HADH: variants seen among roughly 807,000 people sequenced by gnomAD.
HADH encodes hydroxyacyl-coenzyme A dehydrogenase, mitochondrial.
HADH carries 24 observed loss-of-function variants against 32.2 expected under a neutral mutation model. That is an observed-to-expected ratio of 0.75 (90% confidence interval 0.54 to 1.05). The LOEUF is 1.05. HADH is among the 50% of genes least tolerant of loss of function. HADH has a pLI of 0.00. For synonymous variants in HADH, 139 were observed against 152.5 expected (o/e 0.91, Z 0.65); for missense variants, 350 against 397.1 (o/e 0.88, Z 1.01).
At chr4:108,032,208 CT>C (rs1736290947) in intron 6 of HADH, 1 of 609,350 alleles carries the variant, frequency 1.6e-6, no homozygotes, top group Non-Finnish European at 3.0e-6. Flanking sequence ...GACTATTCTA[CT>C]TTTCTGATTT....
At chr4:108,033,606 A>G (rs1313628927) in intron 7 of HADH, among the ~76,000 whole-genome samples, 1 of 152,258 alleles carries the variant, frequency 6.6e-6, no homozygotes. Context: ...ATAGTACAAT[A>G]TTAAATCCCA....
chr4:108,000,115 G>C (rs1359355266), intron 1 of HADH, among the ~76,000 whole-genome samples: 3 of 152,142 alleles, frequency 2.0e-5, no homozygotes. Flanking sequence ...AACCTGAAGT[G>C]GATGATGCAA....
chr4:108,008,577 G>A (rs1281660043), intron 1 of HADH, among the ~76,000 whole-genome samples: 1 of 152,048 alleles, frequency 6.6e-6, no homozygotes, highest in Non-Finnish European at 1.5e-5. Context: ...TGGTTGCCTT[G>A]CTTCAAAAAT....
Position 108,034,562 on chromosome 4 carries a change from T to TA in HADH, c.*206dup, listed in dbSNP as rs1270209323. On this transcript the variant is annotated 3_prime_UTR_variant, in exon 8 of 8. Coordinates refer to ENST00000309522, the MANE Select transcript of HADH (RefSeq NM_005327.7). ...TCCATTAAGAAATAATTCCCTTTTT[T>TA]AGTCTGTTCATTTCTGTGTATTTTC... is the stretch of plus-strand genomic sequence containing the variant. The TA allele has an allele frequency of 9.0e-6, 5 of 554,692 alleles. No individual in the cohort carries two copies. In the East Asian group the frequency reaches 1.8e-4, roughly 20 times the overall value. The allele number at this position is 554,692 out of a possible 1,614,324, so 34.4% of individuals were successfully genotyped here. A position where few individuals can be genotyped will look rare whatever the true frequency, so the allele number is the denominator to read the frequency against.
In HADH at chr4:108,028,328, C is replaced by G. The variant is rs540328025; in HGVS notation, c.709+568C>G. 13 of 160,324 alleles carry G rather than the reference C, an allele frequency of 8.1e-5. No homozygotes were observed. In the East Asian group the frequency reaches 2.2e-3, roughly 27 times the overall value. The allele number at this position is 160,324 out of a possible 1,614,324, so 9.9% of individuals were successfully genotyped here. A position where few individuals can be genotyped will look rare whatever the true frequency, so the allele number is the denominator to read the frequency against. The stretch of plus-strand genomic sequence containing the variant: ...ATGCTTTTCTCTGCTGTAGAAATAT[C>G]AGATTTGGGACAGGGTCCAGGCCTC... On this transcript the variant is annotated intron_variant, in intron 6 of 7. Transcript: ENST00000309522.
At chr4:108,001,762 A>G (rs1735126137) in intron 1 of HADH, among the ~76,000 whole-genome samples, 1 of 152,246 alleles carries the variant, frequency 6.6e-6, no homozygotes, top group Non-Finnish European at 1.5e-5. Context: ...GGACAATTCA[A>G]GATTGCATCA....
At chr4:108,004,850 A>G (rs1320676799) in intron 1 of HADH, 2 of 1,535,796 alleles carry the variant, frequency 1.3e-6, no homozygotes, top group Non-Finnish European at 1.7e-6. Context: ...GACCCTGCGG[A>G]GATGTTAAGG....
chr4:108,007,739 A>T (rs1418434077), intron 1 of HADH, among the ~76,000 whole-genome samples: 1 of 152,228 alleles, frequency 6.6e-6, no homozygotes, highest in African/African-American at 2.4e-5. Flanking sequence ...TAATCAAAGA[A>T]CATTGGACCT....
At chr4:108,014,064 C>T (rs1441370895) in intron 2 of HADH, among the ~76,000 whole-genome samples, 2 of 152,178 alleles carry the variant, frequency 1.3e-5, no homozygotes, top group African/African-American at 4.8e-5. Context: ...ATGAAAACTA[C>T]AGGCTCTTTG....
chr4:107,992,784 T>C (rs1319955408), intron 1 of HADH, among the ~76,000 whole-genome samples: 1 of 152,192 alleles, frequency 6.6e-6, no homozygotes, highest in African/African-American at 2.4e-5. Context: ...GTGTCTGGCA[T>C]GTAATAAGAG....
At chr4:108,001,406 G>A (rs1735114943) in intron 1 of HADH, among the ~76,000 whole-genome samples, 1 of 152,154 alleles carries the variant, frequency 6.6e-6, no homozygotes, top group Non-Finnish European at 1.5e-5. Flanking sequence ...ATCAAGAGAG[G>A]TCAATTAATA....
intron 1 of HADH, chr4:108,004,733 G>T: frequency 6.5e-7 from 1 of 1,533,620 alleles, no homozygotes; most frequent in Non-Finnish European, 8.7e-7. Flanking sequence ...GAAGTTAGAT[G>T]GAAAAGAGAT....
At chr4:108,005,169 G>A (rs545274708) in intron 1 of HADH, 1 of 294,128 alleles carries the variant, frequency 3.4e-6, no homozygotes, top group East Asian at 6.7e-5. Flanking sequence ...TAGGGTCTTT[G>A]GGGATCTAAA....
Position 108,034,400 on chromosome 4 carries a change from T to C in HADH, c.*43T>C. Reference sequence around the variant, plus strand: ...TCTGAGAAGAACACCTGAGAGCGCTTTCCAGCCAGTGCCCCGAGTGCCTGT... The same window carrying C: ...TCTGAGAAGAACACCTGAGAGCGCTCTCCAGCCAGTGCCCCGAGTGCCTGT... On this transcript the variant is annotated 3_prime_UTR_variant, in exon 8 of 8. Transcript: ENST00000309522. 1 of 1,112,734 alleles carries C rather than the reference T, an allele frequency of 9.0e-7. No homozygotes were observed. The allele number at this position is 1,112,734 out of a possible 1,614,324, so 68.9% of individuals were successfully genotyped here. A position where few individuals can be genotyped will look rare whatever the true frequency, so the allele number is the denominator to read the frequency against.
At chr4:107,995,526 T>C (rs1334051065) in intron 1 of HADH, among the ~76,000 whole-genome samples, 1 of 146,940 alleles carries the variant, frequency 6.8e-6, no homozygotes, top group Admixed American at 6.6e-5. Flanking sequence ...TTAAGACTTA[T>C]TTATGTGGGT....
intron 5 of HADH, chr4:108,027,443 C>A (rs929156447): frequency 5.4e-6 from 3 of 559,160 alleles, no homozygotes; most frequent in Admixed American, 2.8e-5. Flanking sequence ...GTGCCTTGAT[C>A]TGTCTTTATG....
intron 1 of HADH, among the ~76,000 whole-genome samples, chr4:108,001,906 C>A (rs1735129743): frequency 2.0e-5 from 3 of 152,118 alleles, no homozygotes; most frequent in African/African-American, 7.2e-5. Flanking sequence ...AAGGGGGGAC[C>A]AACTGTATCT....
At chr4:107,995,490 A>C (rs1458207045) in intron 1 of HADH, among the ~76,000 whole-genome samples, 1 of 152,192 alleles carries the variant, frequency 6.6e-6, no homozygotes, top group East Asian at 1.9e-4. Context: ...GTTTTGATAT[A>C]GGGAGTTCCA....
intron 5 of HADH, 96 bp from the exon 6 acceptor site, chr4:108,027,592 A>G: frequency 2.5e-6 from 2 of 813,868 alleles, no homozygotes; most frequent in Admixed American, 3.4e-5. Flanking sequence ...GGGGGCAAAC[A>G]TGATCCAGGG....
Sources: gnomAD v4.1 joint callset for allele counts (sites outside exome capture counted in the v4.1 genomes callset) on GRCh38, gnomAD v4.1.1 for gene constraint, MANE v1.5 for transcripts, NCBI Gene and HGNC (gene_info 2026-07-23, HGNC 2026-07-21) for gene names.